PDE10A: variants seen among roughly 807,000 people sequenced by gnomAD.
PDE10A encodes phosphodiesterase 10A.
PDE10A carries 39 observed loss-of-function variants against 97.7 expected under a neutral mutation model. The ratio of observed to expected loss-of-function variants is 0.40; its 90% confidence interval spans 0.31 to 0.52. The LOEUF is 0.52. PDE10A is among the 20% of genes least tolerant of loss of function. The probability of loss-of-function intolerance (pLI) is 0.56; values close to 1 mark genes in which losing one functional copy is unlikely to be tolerated. For synonymous variants in PDE10A, 371 were observed against 376.8 expected (o/e 0.98, Z 0.18); for missense variants, 731 against 1,047.8 (o/e 0.70, Z 4.17).
At chr6:165,457,552 GTATA>G in intron 3 of PDE10A, among the ~76,000 whole-genome samples, 1 of 152,032 alleles carries the variant, frequency 6.6e-6, no homozygotes, top group Non-Finnish European at 1.5e-5. Context: ...CAAGCTATAT[GTATA>G]TATATGTATA....
At chr6:165,576,598 C>T (rs1022706610) in intron 1 of PDE10A, 7 of 636,462 alleles carry the variant, frequency 1.1e-5, no homozygotes, top group Non-Finnish European at 1.4e-5. Context: ...AGCATGGCTA[C>T]ACTTTAACCT....
intron 2 of PDE10A, among the ~76,000 whole-genome samples, chr6:165,532,349 G>A (rs1174086734): frequency 3.3e-5 from 5 of 150,814 alleles, no homozygotes; most frequent in Non-Finnish European, 7.4e-5. Flanking sequence ...TGTGCGTAAC[G>A]CTTGCTAAGC....
chr6:165,393,437 A>C (rs934655801), intron 15 of PDE10A, among the ~76,000 whole-genome samples: 1 of 151,706 alleles, frequency 6.6e-6, no homozygotes, highest in African/African-American at 2.4e-5. Context: ...AGACCCTACA[A>C]ACTCTCAAAA....
At chr6:165,800,694 G>A (rs558260300) in intron 1 of PDE10A, among the ~76,000 whole-genome samples, 7 of 152,300 alleles carry the variant, frequency 4.6e-5, no homozygotes, top group African/African-American at 1.2e-4. Context: ...GAAGCACCTC[G>A]TCCATGGACA....
chr6:165,338,278 G>C (rs1482716130), intron 20 of PDE10A, among the ~76,000 whole-genome samples: 1 of 152,176 alleles, frequency 6.6e-6, no homozygotes, highest in Non-Finnish European at 1.5e-5. Context: ...TTTAAATAAA[G>C]TAGGGAAATT....
At chr6:165,539,649 C>T (rs1783304228) in intron 2 of PDE10A, among the ~76,000 whole-genome samples, 1 of 152,132 alleles carries the variant, frequency 6.6e-6, no homozygotes, top group South Asian at 2.1e-4. Context: ...CGGCTGGGAG[C>T]AGTGCCGCAT....
Position 165,332,949 on chromosome 6 carries a change from C to G in PDE10A, c.*76G>C, listed in dbSNP as rs867725310. The stretch of plus-strand genomic sequence containing the variant: ...CAGGTGCAGGTTCCCCCCACCCCCC[C>G]CAAAAAAAGGAAAAGAATGTCAAAG... On this transcript the variant is annotated 3_prime_UTR_variant, in exon 22 of 22. Transcript: ENST00000539869. The G allele has an allele frequency of 1.4e-6, 1 of 699,072 alleles. No individual in the cohort carries two copies. Among genetic ancestry groups the G allele is most frequent in the Non-Finnish European group, 2.5e-6 (1 of 395,434 alleles). 43.3% of individuals were successfully genotyped at this position (699,072 alleles called of 1,614,324 possible).
At chr6:165,763,442 C>CG (rs1446261997) in intron 1 of PDE10A, among the ~76,000 whole-genome samples, 3 of 137,970 alleles carry the variant, frequency 2.2e-5, no homozygotes, top group Non-Finnish European at 4.8e-5. Context: ...CGTGCCTCAG[C>CG]CCCCCCAGTA....
At chr6:165,540,073 A>C (rs183099160) in intron 2 of PDE10A, among the ~76,000 whole-genome samples, 1 of 152,338 alleles carries the variant, frequency 6.6e-6, no homozygotes, top group East Asian at 1.9e-4. Context: ...TTGGAGGTTT[A>C]GTATTTAACC....
At chr6:165,554,877 G>C (rs1306906357) in intron 1 of PDE10A, among the ~76,000 whole-genome samples, 1 of 152,170 alleles carries the variant, frequency 6.6e-6, no homozygotes, top group Non-Finnish European at 1.5e-5. Flanking sequence ...AACATGGATG[G>C]AACTGGAGAT....
intron 3 of PDE10A, among the ~76,000 whole-genome samples, chr6:165,481,478 G>C (rs1779604181): frequency 6.6e-6 from 1 of 151,914 alleles, no homozygotes; most frequent in African/African-American, 2.4e-5. Flanking sequence ...CAAAAATAAA[G>C]GAATATATCT....
intron 18 of PDE10A, among the ~76,000 whole-genome samples, chr6:165,349,518 T>C (rs1003130974): frequency 6.6e-6 from 1 of 152,220 alleles, no homozygotes; most frequent in Non-Finnish European, 1.5e-5. Flanking sequence ...TTGAAAAATG[T>C]GCAGCCTGAT....
At chr6:165,579,683 C>T (rs1372390475) in intron 1 of PDE10A, among the ~76,000 whole-genome samples, 1 of 152,166 alleles carries the variant, frequency 6.6e-6, no homozygotes, top group Admixed American at 6.5e-5. Flanking sequence ...AAAACATAAA[C>T]TAGATCATGT....
chr6:165,899,187 C>T (rs148688198), intron 1 of PDE10A, among the ~76,000 whole-genome samples: 23 of 152,340 alleles, frequency 1.5e-4, no homozygotes, highest in Non-Finnish European at 3.1e-4. Context: ...GGATGATCCT[C>T]ATTCAGTAAT....
At chr6:165,493,971 G>GAA (rs913675238) in intron 2 of PDE10A, among the ~76,000 whole-genome samples, 1 of 138,344 alleles carries the variant, frequency 7.2e-6, no homozygotes, top group African/African-American at 2.6e-5. Flanking sequence ...AAATAAGCAA[G>GAA]AAAAAAAAAA....
At position 165,541,510 on chromosome 6, in the gene PDE10A, G is replaced by A. The variant is rs77325917; in HGVS notation, c.994+1930C>T. On this transcript the variant is annotated intron_variant, in intron 2 of 21. Transcript: ENST00000539869. ...TGAAAATTCAAGAGTTAGTTTTTATGGTAGCACTACAATAGGTTCTAGGAC... is the reference window on the plus strand; with the variant it reads ...TGAAAATTCAAGAGTTAGTTTTTATAGTAGCACTACAATAGGTTCTAGGAC... Among the ~76,000 whole-genome samples the A allele has an allele frequency of 5.9e-3, 900 of 152,206 alleles. 14 individuals are homozygous for A. Among genetic ancestry groups the A allele is most frequent in the African/African-American group, 0.021 (867 of 41,540 alleles).
intron 1 of PDE10A, among the ~76,000 whole-genome samples, chr6:165,706,220 T>A (rs917484512): frequency 4.6e-5 from 7 of 152,210 alleles, no homozygotes; most frequent in Admixed American, 3.9e-4. Flanking sequence ...TGGGGCGACA[T>A]GAATATTTCA....
At chr6:165,485,983 A>T (rs1002867802) in intron 2 of PDE10A, among the ~76,000 whole-genome samples, 6 of 152,180 alleles carry the variant, frequency 3.9e-5, no homozygotes, top group Non-Finnish European at 7.3e-5. Flanking sequence ...GCTGCTAAGG[A>T]CATTTGTTGT....
chr6:165,434,008 C>T (rs1489071696), intron 6 of PDE10A, among the ~76,000 whole-genome samples: 1 of 114,954 alleles, frequency 8.7e-6, no homozygotes, highest in African/African-American at 3.6e-5. Context: ...CACAGCGAGA[C>T]TCCGTCTCAA....
Sources: gnomAD v4.1 joint callset for allele counts (sites outside exome capture counted in the v4.1 genomes callset) on GRCh38, gnomAD v4.1.1 for gene constraint, MANE v1.5 for transcripts, NCBI Gene and HGNC (gene_info 2026-07-23, HGNC 2026-07-21) for gene names.